ZNF34: variants seen among roughly 807,000 people sequenced by gnomAD.
ZNF34 encodes zinc finger protein 34 (KOX 32).
Under a neutral mutation model 14.4 loss-of-function variants are expected in ZNF34, and 8 were observed. The observed-to-expected ratio is 0.55, with a 90% CI of 0.33 to 1.00. ZNF34 has a LOEUF of 1.00. ZNF34 is among the 50% of genes least tolerant of loss of function. The pLI is 0.03. For synonymous variants in ZNF34, 235 were observed against 247.9 expected (o/e 0.95, Z 0.49); for missense variants, 538 against 674.2 (o/e 0.80, Z 2.24).
rs574732920 is a variant in ZNF34 at position 144,772,382 on chromosome 8, A to C, written c.*884T>G. 5.9e-5 allele frequency among the ~76,000 whole-genome samples: 9 copies of C among 152,216 alleles called. No individual in the cohort carries two copies. Among genetic ancestry groups the C allele is most frequent in the Non-Finnish European group, 1.2e-4 (8 of 68,046 alleles). ...TTGGAGTAATAAAACAGTTCTGGAA[A>C]TACACAGTGATGATGGTTACACAAC... On this transcript the variant is annotated 3_prime_UTR_variant, in exon 6 of 6. Transcript: ENST00000429371.
intron 1 of ZNF34, among the ~76,000 whole-genome samples, chr8:144,783,990 T>C (rs1258034706): frequency 3.9e-5 from 6 of 151,962 alleles, no homozygotes; most frequent in African/African-American, 1.4e-4. Context: ...TGAAACCCCA[T>C]CTCTACTAAC....
chr8:144,781,083 T>C (rs575787953), intron 1 of ZNF34, among the ~76,000 whole-genome samples: 8 of 148,116 alleles, frequency 5.4e-5, no homozygotes, highest in East Asian at 2.1e-4. Context: ...TGCAGTGAGC[T>C]GAGATCGCAC....
intron 2 of ZNF34, among the ~76,000 whole-genome samples, 166 bp downstream of exon 2, chr8:144,780,062 T>G (rs1383600651): frequency 6.7e-6 from 1 of 148,390 alleles, no homozygotes; most frequent in South Asian, 2.1e-4. Context: ...CTGGCTGTGA[T>G]GGCACACACC....
intron 1 of ZNF34, among the ~76,000 whole-genome samples, chr8:144,786,798 A>T (rs1057491180): frequency 6.6e-6 from 1 of 151,804 alleles, no homozygotes; most frequent in African/African-American, 2.4e-5. Flanking sequence ...CAGAGGGAGG[A>T]GCACTGGCGG....
intron 1 of ZNF34, among the ~76,000 whole-genome samples, chr8:144,785,959 C>A (rs1826202849): frequency 6.7e-6 from 1 of 149,538 alleles, no homozygotes; most frequent in Non-Finnish European, 1.5e-5. Context: ...ACAGAATATA[C>A]ACAGTATAAT....
rs550643256 is a variant in ZNF34, at chr8:144,781,270, G to T, written c.-107-990C>A. ...AGGAACTGGTAAATCCTCCTCTGGA[G>T]TGAGTTTTTTTTTTTTTAGACGGAG... is the stretch of plus-strand genomic sequence containing the variant. On this transcript the variant is annotated intron_variant, in intron 1 of 5. Transcript: ENST00000429371. 2.0e-5 allele frequency among the ~76,000 whole-genome samples: 3 copies of T among 151,536 alleles called. No homozygotes were observed. The East Asian group carries it at 5.8e-4, about 29-fold the overall frequency.
At position 144,774,190 on chromosome 8, in the gene ZNF34, G is replaced by A. The variant is rs1479549282; in HGVS notation, c.696C>T (p.Cys232=). 1 of 1,613,824 alleles carries A rather than the reference G, an allele frequency of 6.2e-7. No homozygotes were observed. Among genetic ancestry groups the A allele is most frequent in the Non-Finnish European group, 8.5e-7 (1 of 1,179,886 alleles). Residue 232 remains cysteine (C), a synonymous_variant, in exon 6 of 6, where the codon TGC becomes TGT. Transcript: ENST00000429371. ...KIPTGKKLHY[C]SYCGKTFRYS... Reference sequence around the variant, plus strand: ...ACCTGAATGTTTTCCCACAGTAACTGCAATAATGCAATTTTTTCCCAGTAG... The same window carrying A: ...ACCTGAATGTTTTCCCACAGTAACTACAATAATGCAATTTTTTCCCAGTAG...
rs980461623 is a variant in ZNF34, at chr8:144,773,584, A to C, written c.1302T>G (p.Val434=). Residue 434 remains valine, a synonymous_variant, in exon 6 of 6, where the codon GTT becomes GTG. Coordinates refer to ENST00000429371, the MANE Select transcript of ZNF34 (RefSeq NM_001286769.2). This position sits in a 1 kb window ranked among gnomAD's most constrained non-coding sequence, Gnocchi z 5.4. The stretch of plus-strand genomic sequence containing the variant: ...GGATGAGGTGTGTGCTTTGGCTGAA[A>C]ACTTTGCCACAGTCATTGCATTCAT... ...KPYECNDCGK[V]FSQSTHLIQH... is the part of the protein sequence containing the mutation. 1.2e-6 allele frequency: 2 copies of C among 1,612,448 alleles called. No individual in the cohort carries two copies. Among genetic ancestry groups the C allele is most frequent in the Admixed American group, 3.3e-5 (2 of 59,860 alleles).
In ZNF34 at chr8:144,774,111, T is replaced by A; in HGVS notation, c.775A>T (p.Lys259Ter). The A allele has an allele frequency of 6.2e-7, 1 of 1,614,096 alleles. No homozygotes were observed. The highest frequency in any genetic ancestry group is 8.5e-7 in the Non-Finnish European group (1 of 1,179,986). The change falls in exon 6 of 6, where the codon AAA (lysine) becomes TAA (stop). Residue 259 changes from lysine to a stop codon, truncating the protein, a stop_gained. Transcript: ENST00000429371. LOFTEE classifies it low-confidence loss of function (END_TRUNC). ...QRLHTEEKPY[K>*]CDECGKAFSQ... is the part of the protein sequence containing the mutation. ...AAGGCTTTCCCACACTCATCACATT[T>A]GTAGGGCTTCTCTTCAGTGTGAAGC... is the stretch of plus-strand genomic sequence containing the variant.
At position 144,774,263 on chromosome 8, in the gene ZNF34, C is replaced by G. The variant is rs770676149; in HGVS notation, c.623G>C (p.Gly208Ala). ...SKKTNTVRNSGEIFSANLVVK... is the reference protein window; with the variant it reads ...SKKTNTVRNSAEIFSANLVVK... ...AACTAAGTTTGCACTGAAGATTTCCCCAGAGTTACGAACTGTATTTGTTTT... is the reference window on the plus strand; with the variant it reads ...AACTAAGTTTGCACTGAAGATTTCCGCAGAGTTACGAACTGTATTTGTTTT... The change falls in exon 6 of 6, where the codon GGG becomes GCG. Residue 208 changes from glycine to alanine, a missense_variant. Transcript: ENST00000429371. The G allele has an allele frequency of 1.2e-6, 2 of 1,613,906 alleles. No individual in the cohort carries two copies. The highest frequency in any genetic ancestry group is 1.1e-5 in the South Asian group (1 of 91,080).
intron 1 of ZNF34, among the ~76,000 whole-genome samples, chr8:144,786,008 G>A (rs1427357516): frequency 7.5e-6 from 1 of 132,910 alleles, no homozygotes; most frequent in East Asian, 2.2e-4. Flanking sequence ...TTTTTGAGAC[G>A]GAGTCTTGCT....
At chr8:144,781,416 G>A (rs539420748) in intron 1 of ZNF34, among the ~76,000 whole-genome samples, 80 of 151,578 alleles carry the variant, frequency 5.3e-4, no homozygotes, top group Non-Finnish European at 8.4e-4. Flanking sequence ...CCACAGGTGC[G>A]TTTAATTTTT....
At chr8:144,785,123 A>AG (rs1348111097) in intron 1 of ZNF34, among the ~76,000 whole-genome samples, 131 of 150,948 alleles carry the variant, frequency 8.7e-4, no homozygotes, top group African/African-American at 3.0e-3. Context: ...AAAAAAAAAA[A>AG]AAAAAAGAAA....
intron 2 of ZNF34, among the ~76,000 whole-genome samples, chr8:144,778,802 G>C (rs112078727): frequency 0.045 from 6,875 of 151,646 alleles, 297 homozygotes; most frequent in African/African-American, 0.1. Context: ...GCGTGATCTC[G>C]GCTCACTGCA....
chr8:144,784,213 G>A (rs889569982), intron 1 of ZNF34, among the ~76,000 whole-genome samples: 1 of 151,120 alleles, frequency 6.6e-6, no homozygotes, highest in Non-Finnish European at 1.5e-5. Context: ...ACAACCAAAG[G>A]AGGCAAGGGT....
At chr8:144,785,847 A>G (rs1262536388) in intron 1 of ZNF34, among the ~76,000 whole-genome samples, 1 of 147,032 alleles carries the variant, frequency 6.8e-6, no homozygotes, top group East Asian at 2.0e-4. Context: ...GTGCCTGTGT[A>G]GAAGAAGAAA....
intron 5 of ZNF34, among the ~76,000 whole-genome samples, chr8:144,776,980 G>A (rs907909459): frequency 1.3e-5 from 2 of 151,052 alleles, no homozygotes; most frequent in Admixed American, 6.6e-5. Context: ...AAAAGGAATA[G>A]CAGAAATATA....
chr8:144,783,886 C>T (rs1586741141), intron 1 of ZNF34, among the ~76,000 whole-genome samples: 1 of 152,164 alleles, frequency 6.6e-6, no homozygotes, highest in Non-Finnish European at 1.5e-5. Flanking sequence ...GCAGTGTGGC[C>T]AGGCGCAGTG....
chr8:144,776,367 A>T, intron 5 of ZNF34, among the ~76,000 whole-genome samples: 1 of 151,424 alleles, frequency 6.6e-6, no homozygotes, highest in Admixed American at 6.6e-5. Context: ...TGGGAGGCCA[A>T]GGTGGGAGGA....
Sources: allele counts gnomAD v4.1 joint callset (sites outside exome capture counted in the v4.1 genomes callset), GRCh38; gene constraint gnomAD v4.1.1; non-coding constraint Gnocchi (gnomAD v3.1); transcripts MANE v1.5; gene names NCBI Gene and HGNC (gene_info 2026-07-23, HGNC 2026-07-21).